XPA: variants seen among roughly 807,000 people sequenced by gnomAD.
The protein encoded by XPA is XPA, DNA damage recognition and repair factor, also known as DNA repair protein complementing XP-A cells.
In XPA, 27 loss-of-function variants were observed where a neutral mutation model predicts 35.7. The ratio of observed to expected loss-of-function variants is 0.76; its 90% CI spans 0.56 to 1.04. The LOEUF is 1.04. Ranked by LOEUF, XPA falls within the 50% of genes least tolerant of loss-of-function variation. XPA has a pLI of 0.00. For synonymous variants in XPA, 133 were observed against 118.4 expected, an observed-to-expected ratio of 1.12 and a Z score of -0.80; for missense variants, 354 against 342.7, an observed-to-expected ratio of 1.03 and a Z score of -0.26.
chr9:97,697,309 G>C lies in XPA; in HGVS notation c.-17C>G, dbSNP rs950166454. The C allele has an allele frequency of 1.3e-6, 2 of 1,597,182 alleles. No individual in the cohort carries two copies. On this transcript the variant is annotated 5_prime_UTR_variant, in exon 1 of 6. Coordinates refer to ENST00000375128, the MANE Select transcript of XPA (RefSeq NM_000380.4). ...CGCCGCCATCTCTGGCCCACTCCGA[G>C]GACCTAGCTCCCAGCTCCACGCACG...
chr9:97,671,189 T>C (rs1828180728), downstream of XPA: 1 of 1,606,404 alleles, frequency 6.2e-7, no homozygotes. Flanking sequence ...TTCTGTGCCC[T>C]GCAGGCCTAA....
chr9:97,693,109 G>A (rs1382991191), intron 2 of XPA, among the ~76,000 whole-genome samples: 1 of 148,372 alleles, frequency 6.7e-6, no homozygotes, highest in Non-Finnish European at 1.5e-5. Flanking sequence ...CCAAACTTAT[G>A]AACAAATAAA....
chr9:97,680,692 T>G (rs1828513826), intron 5 of XPA, among the ~76,000 whole-genome samples: 1 of 152,232 alleles, frequency 6.6e-6, no homozygotes, highest in South Asian at 2.1e-4. Context: ...TTTTTCACAT[T>G]ACTTCATTTA....
At chr9:97,658,947 C>T in the XPA span, among the ~76,000 whole-genome samples, 11 of 152,356 alleles carry the variant, frequency 7.2e-5, no homozygotes, top group African/African-American at 2.4e-4. Flanking sequence ...TTAATTACTA[C>T]TGGCTTATCA....
At chr9:97,674,583 G>C (rs1418269832), downstream of XPA, among the ~76,000 whole-genome samples, 1 of 152,084 alleles carries the variant, frequency 6.6e-6, no homozygotes, top group Non-Finnish European at 1.5e-5. Context: ...ACAAGCTACA[G>C]GAAAATTTCA....
Position 97,675,017 on chromosome 9 carries a change from G to A in XPA, c.*422C>T, listed in dbSNP as rs1587735315. On this transcript the variant is annotated 3_prime_UTR_variant, in exon 6 of 6. Transcript: ENST00000375128. Reference sequence around the variant, plus strand: ...ACAGAAATCGTCCTAAAAAACACATGACTAGAACCTGGGGTACAGTGGTGC... The same window carrying A: ...ACAGAAATCGTCCTAAAAAACACATAACTAGAACCTGGGGTACAGTGGTGC... 1.9e-6 allele frequency: 1 copy of A among 527,942 alleles called. No homozygotes were observed. Among genetic ancestry groups the A allele is most frequent in the East Asian group, 4.0e-5 (1 of 24,864 alleles). The allele number at this position is 527,942 out of a possible 1,614,324, so 32.7% of individuals were successfully genotyped here. A position where few individuals can be genotyped will look rare whatever the true frequency, so the allele number is the denominator to read the frequency against.
chr9:97,661,732 G>GTT, the XPA span, among the ~76,000 whole-genome samples: 439 of 113,026 alleles, frequency 3.9e-3, 3 homozygotes, highest in South Asian at 9.3e-3. Flanking sequence ...AAGCTTAAGT[G>GTT]TTTTTTTTTT....
the XPA span, chr9:97,655,597 C>A: frequency 2.4e-6 from 2 of 816,974 alleles, no homozygotes; most frequent in Non-Finnish European, 3.9e-6. Context: ...TTTTCATTAA[C>A]TCTGTAAAGT....
rs1351618065 is a variant in XPA at position 97,689,826 on chromosome 9, TAAAG to T, written c.284-191_284-188del. 3.3e-5 allele frequency among the ~76,000 whole-genome samples: 5 copies of T among 151,558 alleles called. No homozygotes were observed. In the South Asian group the frequency reaches 6.3e-4, roughly 19 times the overall value. ...GAGGAAAAAAGAAAAGGAAGTAACATAAAGAAAAAAACGTAGCAATTCCACAAAT... is the reference window on the plus strand; with the variant it reads ...GAGGAAAAAAGAAAAGGAAGTAACATAAAAAAACGTAGCAATTCCACAAAT... On this transcript the variant is annotated intron_variant, in intron 2 of 5. Coordinates refer to ENST00000375128, the MANE Select transcript of XPA (RefSeq NM_000380.4).
At chr9:97,689,667 T>C in intron 2 of XPA, 28 bp from the exon 3 acceptor site, 1 of 1,369,880 alleles carries the variant, frequency 7.3e-7, no homozygotes, top group Non-Finnish European at 1.0e-6. Context: ...AACTCTAGTT[T>C]CCTTTTTTAT....
At chr9:97,684,689 A>G (rs968304492) in intron 5 of XPA, among the ~76,000 whole-genome samples, 1 of 152,146 alleles carries the variant, frequency 6.6e-6, no homozygotes, top group African/African-American at 2.4e-5. Context: ...CTATATAAAA[A>G]CATGATTCAC....
chr9:97,666,193 A>G, the XPA span, among the ~76,000 whole-genome samples: 3 of 152,202 alleles, frequency 2.0e-5, no homozygotes, highest in Non-Finnish European at 2.9e-5. Flanking sequence ...ATTTCAAAGC[A>G]CCTACAAAGT....
the XPA span, chr9:97,666,935 G>T: frequency 8.3e-7 from 1 of 1,210,342 alleles, no homozygotes; most frequent in Non-Finnish European, 1.2e-6. Flanking sequence ...ACTCTGGAGA[G>T]GATTCAGAGT....
the XPA span, chr9:97,662,998 A>G: frequency 6.2e-7 from 1 of 1,613,222 alleles, no homozygotes; most frequent in East Asian, 2.2e-5. Context: ...GATGAAGGAA[A>G]GTTACATGTG....
chr9:97,670,997 C>A, downstream of XPA: 1 of 764,212 alleles, frequency 1.3e-6, no homozygotes, highest in Non-Finnish European at 2.2e-6. Flanking sequence ...CATCATTCTG[C>A]AGCATGGGTG....
At chr9:97,683,347 T>G (rs1219358952) in intron 5 of XPA, among the ~76,000 whole-genome samples, 2 of 152,130 alleles carry the variant, frequency 1.3e-5, no homozygotes, top group Non-Finnish European at 2.9e-5. Context: ...AGGGCCAAAT[T>G]CATCAGAACT....
At chr9:97,665,084 G>A in the XPA span, among the ~76,000 whole-genome samples, 2 of 152,186 alleles carry the variant, frequency 1.3e-5, no homozygotes, top group Admixed American at 1.3e-4. Context: ...GGAAACTAAA[G>A]CAAATTACTT....
In XPA at chr9:97,675,198, C is replaced by A; in HGVS notation, c.*241G>T. The A allele has an allele frequency of 1.6e-6, 1 of 627,176 alleles. No homozygotes were observed. The highest frequency in any genetic ancestry group is 4.2e-4 in the Middle Eastern group (1 of 2,388). 38.9% of individuals were successfully genotyped at this position (627,176 alleles called of 1,614,324 possible). On this transcript the variant is annotated 3_prime_UTR_variant, in exon 6 of 6. Coordinates refer to ENST00000375128, the MANE Select transcript of XPA (RefSeq NM_000380.4). ...TGCACCTACTCTAGCACTCAGCTCC[C>A]ATCTCTGTTGTAAGAAGGCAATCAC...
the XPA span, chr9:97,663,154 CTAGA>C: frequency 1.2e-6 from 1 of 831,860 alleles, no homozygotes. Context: ...TTGACTCTGC[CTAGA>C]TAATGGTTTT....
Sources: allele counts gnomAD v4.1 joint callset (sites outside exome capture counted in the v4.1 genomes callset), GRCh38; gene constraint gnomAD v4.1.1; transcripts MANE v1.5; gene names NCBI Gene and HGNC (gene_info 2026-07-23, HGNC 2026-07-21).